ZBBX: variants seen among roughly 807,000 people sequenced by gnomAD.
The protein encoded by ZBBX is zinc finger B-box domain containing, also known as zinc finger B-box domain-containing protein 1.
Under a neutral mutation model 108.5 loss-of-function variants are expected in ZBBX, and 101 were observed. That is an observed-to-expected ratio of 0.93 (90% confidence interval 0.79 to 1.10). ZBBX has a LOEUF of 1.10. Among genes scored for constraint, ZBBX ranks in the 50% least tolerant of loss-of-function variants. The probability of loss-of-function intolerance (pLI) is 0.00; values close to 1 mark genes in which losing one functional copy is unlikely to be tolerated. For missense variants in ZBBX, 1,009 were observed against 941.4 expected (o/e 1.07, Z -0.94); for synonymous variants, 356 against 323.4 (o/e 1.10, Z -1.08).
At chr3:167,340,070 A>G (rs1252403676) in intron 9 of ZBBX, among the ~76,000 whole-genome samples, 1 of 152,128 alleles carries the variant, frequency 6.6e-6, no homozygotes, top group Non-Finnish European at 1.5e-5. Context: ...AGTCATCAAA[A>G]CATTTGCTAA....
chr3:167,301,253 C>T (rs1732619922), intron 17 of ZBBX, among the ~76,000 whole-genome samples: 1 of 152,168 alleles, frequency 6.6e-6, no homozygotes, highest in Non-Finnish European at 1.5e-5. Context: ...ATTATTGGTG[C>T]TATGTAAGTC....
intron 1 of ZBBX, among the ~76,000 whole-genome samples, chr3:167,398,275 G>C (rs1345554715): frequency 1.3e-5 from 2 of 152,024 alleles, no homozygotes; most frequent in African/African-American, 2.4e-5. Flanking sequence ...AGCAAAAAAA[G>C]ATAACTTGAC....
intron 20 of ZBBX, among the ~76,000 whole-genome samples, chr3:167,243,299 C>T (rs1405920692): frequency 6.6e-6 from 1 of 152,088 alleles, no homozygotes; most frequent in Non-Finnish European, 1.5e-5. Context: ...GGCTACAATG[C>T]CTTCTTTTTT....
the ZBBX span, among the ~76,000 whole-genome samples, chr3:167,196,233 A>G: frequency 4.6e-5 from 7 of 151,978 alleles, no homozygotes; most frequent in Non-Finnish European, 8.8e-5. Context: ...TAGTTCACAA[A>G]GAGTCTTGAG....
At chr3:167,396,472 C>G (rs893796937) in intron 1 of ZBBX, among the ~76,000 whole-genome samples, 1 of 151,934 alleles carries the variant, frequency 6.6e-6, no homozygotes, top group Admixed American at 6.6e-5. Context: ...AGAAGTCTGC[C>G]GGCATTAGAT....
the ZBBX span, among the ~76,000 whole-genome samples, chr3:167,219,464 A>G: frequency 6.9e-4 from 105 of 152,222 alleles, no homozygotes; most frequent in African/African-American, 2.3e-3. Flanking sequence ...CTATAAATCA[A>G]TAACAAGAGG....
At chr3:167,203,542 G>A in the ZBBX span, among the ~76,000 whole-genome samples, 94 of 152,060 alleles carry the variant, frequency 6.2e-4, 2 homozygotes, top group Admixed American at 4.8e-3. Context: ...AAATAAGTAG[G>A]TTAAGTGAAG....
chr3:167,328,196 G>C (rs1467527701), intron 10 of ZBBX, 80 bp from the exon 11 acceptor site: 43 of 1,422,058 alleles, frequency 3.0e-5, no homozygotes, highest in Non-Finnish European at 4.0e-5. Context: ...AAAAAATTCT[G>C]TGTTTTAAAA....
the ZBBX span, among the ~76,000 whole-genome samples, chr3:167,194,098 A>C: frequency 6.6e-6 from 1 of 151,978 alleles, no homozygotes; most frequent in African/African-American, 2.4e-5. Context: ...ATATTTCAAA[A>C]TAGCTAGATG....
intron 16 of ZBBX, among the ~76,000 whole-genome samples, chr3:167,313,659 G>T (rs1037523200): frequency 6.6e-6 from 1 of 152,006 alleles, no homozygotes; most frequent in African/African-American, 2.4e-5. Flanking sequence ...AATATTTAGT[G>T]CAAGTGAGAG....
Position 167,282,509 on chromosome 3 carries a change from T to C in ZBBX, c.1997-14A>G, listed in dbSNP as rs1201544748. The C allele has an allele frequency of 1.9e-6, 3 of 1,586,834 alleles. No individual in the cohort carries two copies. Among genetic ancestry groups the C allele is most frequent in the East Asian group, 2.2e-5 (1 of 44,682 alleles). ...GTGATTTCTGACCTAAAATTAAAAGTAAAAAGTTTTTAAATCAACTTTTAA... is the reference window on the plus strand; with the variant it reads ...GTGATTTCTGACCTAAAATTAAAAGCAAAAAGTTTTTAAATCAACTTTTAA... On this transcript the variant is annotated splice_polypyrimidine_tract_variant and intron_variant, in intron 19 of 21. Transcript: ENST00000675490.
intron 1 of ZBBX, among the ~76,000 whole-genome samples, chr3:167,407,128 T>G (rs1219728040): frequency 3.4e-5 from 5 of 145,842 alleles, no homozygotes; most frequent in Non-Finnish European, 6.0e-5. Context: ...GAATCCAGGC[T>G]GCATCCAGCA....
chr3:167,348,372 A>AAAGAAAGAAAGAAGAAAGAAAG (rs1560163843), intron 9 of ZBBX, among the ~76,000 whole-genome samples: 45 of 104,822 alleles, frequency 4.3e-4, no homozygotes, highest in African/African-American at 1.4e-3. Flanking sequence ...AAGAAAGAAA[A>AAAGAAAGAAAGAAGAAAGAAAG]AAAAGAAAAG....
chr3:167,387,829 C>T (rs1487740377), intron 1 of ZBBX, among the ~76,000 whole-genome samples: 1 of 151,890 alleles, frequency 6.6e-6, no homozygotes, highest in Non-Finnish European at 1.5e-5. Context: ...AGATGAGAGG[C>T]TGAGGAGTGA....
At chr3:167,225,505 T>G in the ZBBX span, among the ~76,000 whole-genome samples, 5 of 151,832 alleles carry the variant, frequency 3.3e-5, no homozygotes, top group African/African-American at 1.2e-4. Context: ...TCTCACTTGT[T>G]TTGCAATCAT....
intron 20 of ZBBX, among the ~76,000 whole-genome samples, chr3:167,257,165 A>G (rs1384165478): frequency 6.6e-6 from 1 of 152,022 alleles, no homozygotes; most frequent in Non-Finnish European, 1.5e-5. Flanking sequence ...TAAAAATTTT[A>G]TTTGTGGCTA....
chr3:167,254,903 TGA>T (rs1299675199), intron 20 of ZBBX, among the ~76,000 whole-genome samples: 1 of 145,948 alleles, frequency 6.9e-6, no homozygotes. Context: ...AGAGAGAGAA[TGA>T]GAGAGAGAGA....
At chr3:167,280,865 C>T (rs1180488494) in intron 20 of ZBBX, among the ~76,000 whole-genome samples, 2 of 152,080 alleles carry the variant, frequency 1.3e-5, no homozygotes, top group East Asian at 1.9e-4. Context: ...AAATGTCCAA[C>T]AATGATAGAC....
chr3:167,276,720 T>G (rs1450582175), intron 20 of ZBBX, among the ~76,000 whole-genome samples: 1 of 152,024 alleles, frequency 6.6e-6, no homozygotes, highest in Non-Finnish European at 1.5e-5. Flanking sequence ...CAGGCCAACA[T>G]TCAGATTCAG....
Sources: allele counts gnomAD v4.1 joint callset (sites outside exome capture counted in the v4.1 genomes callset), GRCh38; gene constraint gnomAD v4.1.1; transcripts MANE v1.5; gene names NCBI Gene and HGNC (gene_info 2026-07-23, HGNC 2026-07-21).